Variants in CCP110 observed in about 807,000 individuals in gnomAD.
The protein encoded by CCP110 is centriolar coiled-coil protein of 110 kDa.
Under a neutral mutation model 105.5 loss-of-function variants are expected in CCP110, and 43 were observed. The observed-to-expected ratio is 0.41, with a 90% CI of 0.32 to 0.53. The LOEUF (loss-of-function observed/expected upper bound fraction) is 0.53. CCP110 is among the 20% of genes least tolerant of loss of function. The pLI, the probability that CCP110 is intolerant of heterozygous loss-of-function variation, is 0.32. For missense variants in CCP110, 1,016 were observed against 1,189.1 expected (o/e 0.85, Z 2.14); for synonymous variants, 353 against 392.1 (o/e 0.90, Z 1.18).
intron 1 of CCP110, chr16:19,525,129 A>T (rs941914456): frequency 6.6e-6 from 1 of 151,818 alleles, no homozygotes; most frequent in Non-Finnish European, 1.5e-5. Flanking sequence ...GGCGGAACTG[A>T]TGGGCAAAGA....
At chr16:19,537,392 C>A (rs772359627) in exon 4 of CCP110, 1 of 1,613,122 alleles carries the variant, frequency 6.2e-7, no homozygotes, top group East Asian at 2.2e-5. Context: ...TGGAAATGAA[C>A]AATTTTTGGA....
chr16:19,539,093 C>G (rs1339850606), intron 4 of CCP110, among the ~76,000 whole-genome samples: 1 of 148,404 alleles, frequency 6.7e-6, no homozygotes, highest in Non-Finnish European at 1.5e-5. Context: ...GCCTGGGTGA[C>G]AGAGCCAGAT....
chr16:19,545,391 A>T (rs1970427684), intron 10 of CCP110, among the ~76,000 whole-genome samples, 181 bp downstream of exon 10: 1 of 152,204 alleles, frequency 6.6e-6, no homozygotes, highest in East Asian at 1.9e-4. Flanking sequence ...TCATTTAAGA[A>T]TTACATATTG....
chr16:19,551,096 T>A, intron 14 of CCP110, 100 bp from the exon 14 acceptor site: 1 of 752,934 alleles, frequency 1.3e-6, no homozygotes, highest in Non-Finnish European at 2.4e-6. Flanking sequence ...TAATGTATAT[T>A]GCCTAGCTCA....
Position 19,548,599 on chromosome 16 carries a change from AG to A in CCP110, c.2986+1del, listed in dbSNP as rs1970538990. 1 of 1,541,958 alleles carries A rather than the reference AG, an allele frequency of 6.5e-7. No homozygotes were observed. The highest frequency in any genetic ancestry group is 8.8e-7 in the Non-Finnish European group (1 of 1,140,820). On this transcript the variant is annotated frameshift_variant and splice_region_variant, in exon 14 of 15. Transcript: ENST00000381396. LOFTEE classifies it high-confidence loss of function. This position sits in a 1 kb window ranked among gnomAD's most constrained non-coding sequence, Gnocchi z 4.1. ...GAGTGCCTAACAGAGTGCCTGTTTCAGGTTTGTAGAAAATAAATTCCTGAAG... is the reference window on the plus strand; with the variant it reads ...GAGTGCCTAACAGAGTGCCTGTTTCAGTTTGTAGAAAATAAATTCCTGAAG...
chr16:19,535,351 A>G (rs1481380310), intron 3 of CCP110, among the ~76,000 whole-genome samples: 1 of 152,064 alleles, frequency 6.6e-6, no homozygotes, highest in African/African-American at 2.4e-5. Context: ...TCATTCATTC[A>G]TTCATTCATT....
intron 2 of CCP110, among the ~76,000 whole-genome samples, chr16:19,530,759 G>A (rs1003815041): frequency 6.6e-6 from 1 of 151,948 alleles, no homozygotes; most frequent in Admixed American, 6.6e-5. Context: ...TTCGAGACCA[G>A]CCTGGCCAAC....
chr16:19,552,527 A>C lies in CCP110; in HGVS notation c.*1279A>C, dbSNP rs56680585. On this transcript the variant is annotated 3_prime_UTR_variant, in exon 15 of 15. Transcript: ENST00000381396. ...GGTTAACAGAGCAAGACACTGTCTC[A>C]AAAAAAAAAAAAAAAAAAAGTATCA... The C allele has an allele frequency of 9.8e-3, 658 of 67,010 alleles. 4 individuals carry two copies. The African/African-American group carries it at 0.13, about 13-fold the overall frequency. The allele number at this position is 67,010 out of a possible 1,614,324, so 4.2% of individuals were successfully genotyped here. A position where few individuals can be genotyped will look rare whatever the true frequency, so the allele number is the denominator to read the frequency against.
At position 19,527,890 on chromosome 16, in the gene CCP110, G is replaced by A. The variant is rs751674215; in HGVS notation, c.9G>A (p.Glu3=). The A allele has an allele frequency of 2.5e-5, 41 of 1,612,666 alleles. No homozygotes were observed. In the South Asian group the frequency reaches 4.1e-4, roughly 16 times the overall value. ...AGTGTGACTGTGGGAAGATGGAGGA[G>A]TATGAGAAGTTCTGTGAAAAAAGTC... The change falls in exon 2 of 15, where the codon GAG becomes GAA. Residue 3 remains glutamate, a synonymous_variant. Transcript: ENST00000381396.
intron 3 of CCP110, 62 bp from the exon 4 acceptor site, chr16:19,535,878 C>T (rs756384441): frequency 1.2e-5 from 13 of 1,088,324 alleles, no homozygotes; most frequent in Non-Finnish European, 1.6e-5. Context: ...TTTTAGAAAA[C>T]AGTGAAATCA....
chr16:19,535,325 C>G (rs1427066908), intron 3 of CCP110, among the ~76,000 whole-genome samples: 6 of 150,410 alleles, frequency 4.0e-5, no homozygotes, highest in Admixed American at 1.3e-4. Flanking sequence ...TACAAAATAT[C>G]TATTTTTACA....
At chr16:19,533,119 C>A (rs1280044568) in intron 3 of CCP110, among the ~76,000 whole-genome samples, 1 of 152,150 alleles carries the variant, frequency 6.6e-6, no homozygotes, top group Non-Finnish European at 1.5e-5. Context: ...AAAAGAAAAA[C>A]AAATGAATTA....
chr16:19,538,656 A>T (rs1970168862), intron 4 of CCP110, among the ~76,000 whole-genome samples: 1 of 152,070 alleles, frequency 6.6e-6, no homozygotes. Flanking sequence ...AATTCACTGT[A>T]TTGCTATGAG....
Position 19,542,612 on chromosome 16 carries a change from T to C in CCP110, c.2228-9T>C. On this transcript the variant is annotated splice_polypyrimidine_tract_variant and intron_variant, in intron 6 of 14. Coordinates refer to ENST00000381396, the Ensembl canonical transcript of CCP110. ...CATCAAGTATAATACTATATGTATG[T>C]TTCTCTAGGTTTCACAAATTCTGCC... 1 of 1,593,282 alleles carries C rather than the reference T, an allele frequency of 6.3e-7. No homozygotes were observed. The highest frequency in any genetic ancestry group is 8.6e-7 in the Non-Finnish European group (1 of 1,161,432).
intron 8 of CCP110, 30 bp from the exon 9 acceptor site, chr16:19,544,767 A>C: frequency 8.9e-7 from 1 of 1,127,240 alleles, no homozygotes; most frequent in East Asian, 2.4e-5. Context: ...TTCTAGAAAA[A>C]TGTTTTTGAA....
rs1178926770 is a variant in CCP110 at position 19,545,295 on chromosome 16, C to G, written c.2703+85C>G. 6.4e-6 allele frequency: 4 copies of G among 629,290 alleles called. No homozygotes were observed. In the African/African-American group the frequency reaches 7.5e-5, roughly 12 times the overall value. The allele number at this position is 629,290 out of a possible 1,614,324, so 39.0% of individuals were successfully genotyped here. A position where few individuals can be genotyped will look rare whatever the true frequency, so the allele number is the denominator to read the frequency against. On this transcript the variant is annotated intron_variant, in intron 10 of 14. Coordinates refer to ENST00000381396, the Ensembl canonical transcript of CCP110. ...ATGTCAGTTTTGGTTGACTTCAGCA[C>G]CCTTCTTCTGATAATTCTTAAGCAC...
chr16:19,527,932 A>G (rs771649952), exon 2 of CCP110: 39 of 1,613,666 alleles, frequency 2.4e-5, no homozygotes, highest in Non-Finnish European at 3.3e-5. Flanking sequence ...GAATACAAGA[A>G]GCATCACTAT....
chr16:19,531,870 GC>G (rs1969881488), intron 2 of CCP110, among the ~76,000 whole-genome samples: 1 of 151,868 alleles, frequency 6.6e-6, no homozygotes, highest in South Asian at 2.1e-4. Context: ...GGAGGCTGAG[GC>G]AGGAGAATCG....
chr16:19,545,045 C>G, intron 9 of CCP110, 49 bp from the exon 10 acceptor site: 1 of 1,199,734 alleles, frequency 8.3e-7, no homozygotes, highest in African/African-American at 1.5e-5. Context: ...TTCCTGAACT[C>G]TAACCTCATC....
Sources: gnomAD v4.1 joint callset for allele counts (sites outside exome capture counted in the v4.1 genomes callset) on GRCh38, gnomAD v4.1.1 for gene constraint, Gnocchi (gnomAD v3.1) non-coding constraint, MANE v1.5 for transcripts, NCBI Gene and HGNC (gene_info 2026-07-23, HGNC 2026-07-21) for gene names.